ADAMTS9: variants seen among roughly 807,000 people sequenced by gnomAD.
The protein encoded by ADAMTS9 is A disintegrin and metalloproteinase with thrombospondin motifs 9.
A neutral mutation model predicts 257.1 loss-of-function variants in ADAMTS9; 107 were observed. The observed-to-expected ratio is 0.42, with a 90% CI of 0.36 to 0.49. The LOEUF (loss-of-function observed/expected upper bound fraction) is 0.49, where lower values mean the gene tolerates loss of function less well. Ranked by LOEUF, ADAMTS9 falls within the 20% of genes least tolerant of loss-of-function variation. The pLI is 0.03. For synonymous variants in ADAMTS9, 982 were observed against 880.9 expected (o/e 1.11, Z -2.03); for missense variants, 2,353 against 2,469.1 (o/e 0.95, Z 1.00).
chr3:64,612,360 G>A (rs1224121189), intron 22 of ADAMTS9, among the ~76,000 whole-genome samples: 2 of 152,092 alleles, frequency 1.3e-5, no homozygotes, highest in Non-Finnish European at 2.9e-5. Flanking sequence ...TAAAAGTTAT[G>A]CAGATACAGA....
chr3:64,547,072 C>T, intron 31 of ADAMTS9, 120 bp from the exon 32 acceptor site: 2 of 865,204 alleles, frequency 2.3e-6, no homozygotes, highest in South Asian at 1.8e-5. Context: ...GCTCCCACTT[C>T]ATTAGCTTAT....
intron 38 of ADAMTS9, 42 bp from the exon 39 acceptor site, chr3:64,522,302 T>C (rs747537826): frequency 1.0e-5 from 16 of 1,578,656 alleles, no homozygotes; most frequent in Non-Finnish European, 1.4e-5. Context: ...GCTTGGTTAA[T>C]GCTTTCAGGG....
chr3:64,628,910 T>C (rs914604737), intron 16 of ADAMTS9, among the ~76,000 whole-genome samples: 1 of 152,184 alleles, frequency 6.6e-6, no homozygotes, highest in African/African-American at 2.4e-5. Context: ...TTTAAAACAC[T>C]AGTGGTCGTA....
chr3:64,614,050 GA>G (rs1167267392), intron 21 of ADAMTS9, among the ~76,000 whole-genome samples: 1 of 152,002 alleles, frequency 6.6e-6, no homozygotes, highest in Non-Finnish European at 1.5e-5. Flanking sequence ...AAACATAAAT[GA>G]AAAAATTATA....
chr3:64,586,534 A>G (rs902595100), intron 28 of ADAMTS9, among the ~76,000 whole-genome samples: 2 of 152,254 alleles, frequency 1.3e-5, no homozygotes, highest in Admixed American at 1.3e-4. Flanking sequence ...CTGTCAGATT[A>G]TAATTTAATT....
intron 21 of ADAMTS9, chr3:64,614,736 T>G (rs1354162862): frequency 6.6e-6 from 1 of 152,450 alleles, no homozygotes; most frequent in Non-Finnish European, 1.5e-5. Context: ...CTTGTTGTCC[T>G]GGGACCATCT....
rs534521833 is a variant in ADAMTS9, at chr3:64,659,395, G to A, written c.680-604C>T. On this transcript the variant is annotated intron_variant, in intron 3 of 39. Coordinates refer to ENST00000498707, the MANE Select transcript of ADAMTS9 (RefSeq NM_182920.2). ...ACGCACGAGAATTGCTTGAACCCAG[G>A]AGGCAGAGCCTGACGTGAGTTTAGA... Among the ~76,000 whole-genome samples the A allele has an allele frequency of 1.2e-4, 18 of 151,484 alleles. No homozygotes were observed. In the South Asian group the frequency reaches 3.8e-3, roughly 32 times the overall value.
At chr3:64,551,661 G>A (rs1005018333) in intron 30 of ADAMTS9, among the ~76,000 whole-genome samples, 3 of 152,296 alleles carry the variant, frequency 2.0e-5, no homozygotes, top group Non-Finnish European at 4.4e-5. Context: ...ACTCACAAGT[G>A]ACTTGATATT....
intron 30 of ADAMTS9, among the ~76,000 whole-genome samples, chr3:64,555,613 A>G (rs12629732): frequency 0.09 from 13,619 of 152,114 alleles, 1,451 homozygotes; most frequent in African/African-American, 0.24. Context: ...GTAACAGAGC[A>G]TGTAATTGAG....
chr3:64,571,776 G>A (rs907852170), intron 28 of ADAMTS9, among the ~76,000 whole-genome samples: 5 of 152,182 alleles, frequency 3.3e-5, no homozygotes, highest in African/African-American at 7.2e-5. Flanking sequence ...TCGTGGAAAT[G>A]TTCAAATCTA....
At chr3:64,586,396 T>A (rs957372912) in intron 28 of ADAMTS9, among the ~76,000 whole-genome samples, 1 of 152,180 alleles carries the variant, frequency 6.6e-6, no homozygotes. Context: ...TATCAATTCA[T>A]TCACTGTCTG....
chr3:64,669,973 A>G (rs1701445963), intron 3 of ADAMTS9, among the ~76,000 whole-genome samples: 1 of 152,224 alleles, frequency 6.6e-6, no homozygotes, highest in Non-Finnish European at 1.5e-5. Flanking sequence ...TATACAATCA[A>G]AGATACCGCT....
intron 37 of ADAMTS9, among the ~76,000 whole-genome samples, chr3:64,538,346 G>C (rs2083075315): frequency 6.6e-6 from 1 of 151,960 alleles, no homozygotes; most frequent in Non-Finnish European, 1.5e-5. Flanking sequence ...TACCATTCAG[G>C]AACCAAAGGA....
In ADAMTS9 at chr3:64,650,691, C is replaced by G. The variant is rs922568648; in HGVS notation, c.1463+326G>C. The G allele has an allele frequency of 1.7e-5, 4 of 240,134 alleles. No individual in the cohort carries two copies. The South Asian group carries it at 2.8e-4, about 17-fold the overall frequency. The allele number at this position is 240,134 out of a possible 1,614,324, so 14.9% of individuals were successfully genotyped here. ...ATTAGAAGTGCATAAATACCTGTGG[C>G]CTTCATTAAGAAATCACATTCATAG... On this transcript the variant is annotated intron_variant, in intron 9 of 39. Transcript: ENST00000498707.
Position 64,594,286 on chromosome 3 carries a change from G to A in ADAMTS9, c.4328C>T (p.Ala1443Val). ...QCNTHACPHD[A>V]AWSTGPWSSC... Reference sequence around the variant, plus strand: ...GCTCCAAGGGCCAGTACTCCATGCAGCGTCGTGTGGACAAGCATGTGTGTT... The same window carrying A: ...GCTCCAAGGGCCAGTACTCCATGCAACGTCGTGTGGACAAGCATGTGTGTT... Residue 1443 changes from alanine (A) to valine (V), a missense_variant, in exon 28 of 40, where the codon GCT becomes GTT. Physicochemically the swap from Ala to Val is moderately conservative, Grantham distance 64 (BLOSUM62 0). Coordinates refer to ENST00000498707, the MANE Select transcript of ADAMTS9 (RefSeq NM_182920.2). The A allele has an allele frequency of 6.2e-7, 1 of 1,613,938 alleles. No individual in the cohort carries two copies. The highest frequency in any genetic ancestry group is 1.3e-5 in the African/African-American group (1 of 75,024).
intron 23 of ADAMTS9, among the ~76,000 whole-genome samples, chr3:64,604,590 C>T (rs1217556822): frequency 1.3e-5 from 2 of 151,986 alleles, no homozygotes; most frequent in East Asian, 1.9e-4. Context: ...TTTATTCATC[C>T]GTTTGTGTAA....
intron 31 of ADAMTS9, among the ~76,000 whole-genome samples, chr3:64,548,401 C>T (rs1330954166): frequency 1.3e-5 from 2 of 152,180 alleles, no homozygotes; most frequent in African/African-American, 4.8e-5. Flanking sequence ...AGTGTAAGGC[C>T]AGCCCGGGGT....
intron 26 of ADAMTS9, 82 bp from the exon 27 acceptor site, chr3:64,597,073 C>T: frequency 6.4e-7 from 1 of 1,553,732 alleles, no homozygotes; most frequent in South Asian, 1.2e-5. Context: ...AAGGTTAAGA[C>T]AAATGTGCTG....
chr3:64,561,296 T>G (rs1398542279), intron 30 of ADAMTS9: 1 of 282,488 alleles, frequency 3.5e-6, no homozygotes, highest in Non-Finnish European at 6.5e-6. Context: ...GATATCTGAA[T>G]GCATTCGGCC....
Sources: gnomAD v4.1 joint callset for allele counts (sites outside exome capture counted in the v4.1 genomes callset) on GRCh38, gnomAD v4.1.1 for gene constraint, MANE v1.5 for transcripts, NCBI Gene and HGNC (gene_info 2026-07-23, HGNC 2026-07-21) for gene names.